The following NECAB2 variants were observed in gnomAD, a reference collection of about 807,000 sequenced individuals.
The protein encoded by NECAB2 is N-terminal EF-hand calcium binding protein 2, also known as N-terminal EF-hand calcium-binding protein 2.
NECAB2 carries 68 observed loss-of-function variants against 51.9 expected under a neutral mutation model. The observed-to-expected ratio is 1.31, with a 90% CI of 1.08 to 1.60. NECAB2 has a LOEUF of 1.60. Among genes scored for constraint, NECAB2 ranks in the 40% most tolerant of loss-of-function variants. The pLI is 0.00. For missense variants in NECAB2, 854 were observed against 490.3 expected (o/e 1.74, Z -7.00); for synonymous variants, 329 against 203.5 (o/e 1.62, Z -5.25).
At chr16:83,967,941 G>A (rs964666193), upstream of NECAB2, among the ~76,000 whole-genome samples, 6 of 151,704 alleles carry the variant, frequency 4.0e-5, no homozygotes, top group Non-Finnish European at 8.8e-5. Context: ...AGGATGGGTG[G>A]ATGGATGTAT....
intron 5 of NECAB2, among the ~76,000 whole-genome samples, chr16:83,986,995 T>G (rs2084565247): frequency 6.6e-6 from 1 of 152,154 alleles, no homozygotes; most frequent in Non-Finnish European, 1.5e-5. Flanking sequence ...CATACCCATG[T>G]AACAAACAGG....
intron 5 of NECAB2, among the ~76,000 whole-genome samples, chr16:83,984,550 C>A (rs2084528289): frequency 6.6e-6 from 1 of 151,784 alleles, no homozygotes; most frequent in East Asian, 2.0e-4. Flanking sequence ...TAGTGGGACC[C>A]CGTTTCTACC....
In NECAB2 at chr16:83,968,298, G is replaced by T. The variant is rs2084310883; in HGVS notation, c.-351G>T. Among the ~76,000 whole-genome samples the T allele has an allele frequency of 6.6e-6, 1 of 151,292 alleles. No individual in the cohort carries two copies. The highest frequency in any genetic ancestry group is 2.4e-5 in the African/African-American group (1 of 41,298). ...GACTTTAGAAGCGGGGAGAGCAGGA[G>T]ACTTTTGGGGAGCAGGCCCCAGGGG... On this transcript the variant is annotated 5_prime_UTR_variant, in exon 1 of 13. Transcript: ENST00000305202.
At chr16:84,001,226 G>T (rs1267877879) in intron 11 of NECAB2, among the ~76,000 whole-genome samples, 1 of 151,788 alleles carries the variant, frequency 6.6e-6, no homozygotes, top group African/African-American at 2.4e-5. Context: ...ATGGGGTAGG[G>T]TGTCAGCAGC....
intron 11 of NECAB2, among the ~76,000 whole-genome samples, 183 bp downstream of exon 11, chr16:84,000,984 G>GA (rs1191610864): frequency 6.0e-5 from 9 of 150,580 alleles, no homozygotes; most frequent in African/African-American, 2.2e-4. Context: ...CTCTTGGTGG[G>GA]TAGTGAGAGC....
At chr16:83,971,366 G>T (rs1597192306) in intron 1 of NECAB2, 1 of 152,322 alleles carries the variant, frequency 6.6e-6, no homozygotes, top group East Asian at 1.9e-4. Context: ...GGTTTTGAAA[G>T]CTCTCCAGGC....
chr16:84,000,203 C>G (rs1460606201), intron 10 of NECAB2, among the ~76,000 whole-genome samples: 1 of 152,168 alleles, frequency 6.6e-6, no homozygotes, highest in South Asian at 2.1e-4. Context: ...CATCCAGCCA[C>G]CTGGTTTTGT....
At chr16:83,991,961 T>C (rs928716680) in intron 6 of NECAB2, among the ~76,000 whole-genome samples, 1 of 152,084 alleles carries the variant, frequency 6.6e-6, no homozygotes, top group Admixed American at 6.6e-5. Context: ...CAGCCCACTT[T>C]TGAAAATTAG....
At position 83,968,775 on chromosome 16, in the gene NECAB2, G is replaced by C. The variant is rs1269925390; in HGVS notation, c.127G>C (p.Glu43Gln). The C allele has an allele frequency of 2.7e-6, 3 of 1,105,172 alleles. No individual in the cohort carries two copies. The highest frequency in any genetic ancestry group is 3.3e-6 in the Non-Finnish European group (3 of 908,568). 68.5% of individuals were successfully genotyped at this position (1,105,172 alleles called of 1,614,324 possible). ...GGGCGCCAGGATGGGCGAGCCCCGG[G>C]AGTCGCTGGCCCCCGCCGCCCCCGC... ...WVGARMGEPRESLAPAAPADP... is the reference protein window; with the variant it reads ...WVGARMGEPRQSLAPAAPADP... Residue 43 changes from glutamate (E) to glutamine (Q), a missense_variant, in exon 1 of 13, where the codon GAG becomes CAG. Coordinates refer to ENST00000305202, the MANE Select transcript of NECAB2 (RefSeq NM_019065.3).
chr16:83,985,313 C>CAAAA lies in NECAB2; in HGVS notation c.459+4216_459+4219dup, dbSNP rs71148868. 1.2e-3 allele frequency among the ~76,000 whole-genome samples: 36 copies of CAAAA among 30,192 alleles called. 1 individual carries two copies. The East Asian group carries it at 0.013, about 11-fold the overall frequency. 19.8% of individuals were successfully genotyped at this position (30,192 alleles called of 152,430 possible). ...GGACAACAAGAGCAAATCTCTGTCT[C>CAAAA]AAAAAAAAAAAAAAAAAAAAAAAAA... is the stretch of plus-strand genomic sequence containing the variant. On this transcript the variant is annotated intron_variant, in intron 5 of 12. Coordinates refer to ENST00000305202, the MANE Select transcript of NECAB2 (RefSeq NM_019065.3).
intron 8 of NECAB2, among the ~76,000 whole-genome samples, chr16:83,996,273 A>T (rs184886416): frequency 4.3e-4 from 66 of 152,330 alleles, no homozygotes; most frequent in African/African-American, 1.3e-3. Flanking sequence ...TGTTCCTGCC[A>T]GGCACACCTT....
intron 5 of NECAB2, among the ~76,000 whole-genome samples, chr16:83,986,103 G>A (rs1388439346): frequency 1.3e-5 from 2 of 152,074 alleles, no homozygotes; most frequent in African/African-American, 4.8e-5. Context: ...TGCAACCTCT[G>A]CTTCCTGGGT....
upstream of NECAB2, chr16:83,965,332 C>A (rs745988129): frequency 6.3e-7 from 1 of 1,574,842 alleles, no homozygotes; most frequent in African/African-American, 1.3e-5. Context: ...ACAGCCCGGC[C>A]CGGCTGGGCA....
intron 10 of NECAB2, among the ~76,000 whole-genome samples, chr16:83,999,882 ATTTTTAAAGGTTT>A (rs2084787352): frequency 6.9e-6 from 1 of 145,370 alleles, no homozygotes; most frequent in Admixed American, 6.7e-5. Context: ...AGGTTTTTTG[ATTTTTAAAGGTTT>A]TTTGAGACCA....
chr16:83,986,308 C>T (rs961421367), intron 5 of NECAB2, among the ~76,000 whole-genome samples: 82 of 152,240 alleles, frequency 5.4e-4, no homozygotes, highest in African/African-American at 1.7e-3. Flanking sequence ...TGAGCCACTG[C>T]GCCCAGCCCA....
chr16:83,965,975 C>G, upstream of NECAB2: 1 of 1,599,618 alleles, frequency 6.3e-7, no homozygotes, highest in Non-Finnish European at 8.5e-7. Flanking sequence ...GGCCAGCTCC[C>G]TGCTAAGGAA....
At chr16:83,998,766 G>A (rs1012271926) in intron 10 of NECAB2, among the ~76,000 whole-genome samples, 2 of 151,612 alleles carry the variant, frequency 1.3e-5, no homozygotes, top group African/African-American at 4.9e-5. Context: ...AGAGTCGGTA[G>A]CTGAAGGGAA....
At chr16:83,967,568 G>C (rs1406900521), upstream of NECAB2, among the ~76,000 whole-genome samples, 1 of 145,474 alleles carries the variant, frequency 6.9e-6, no homozygotes, top group Non-Finnish European at 1.5e-5. Context: ...TGGAAGGATG[G>C]TGGGTGGATG....
intron 6 of NECAB2, 47 bp from the exon 7 acceptor site, chr16:83,994,255 C>T (rs757118839): frequency 6.3e-7 from 1 of 1,577,080 alleles, no homozygotes; most frequent in Non-Finnish European, 8.7e-7. Flanking sequence ...TGGTAAGGGC[C>T]CTGAAGCCAC....
Sources: allele counts gnomAD v4.1 joint callset (sites outside exome capture counted in the v4.1 genomes callset), GRCh38; gene constraint gnomAD v4.1.1; transcripts MANE v1.5; gene names NCBI Gene and HGNC (gene_info 2026-07-23, HGNC 2026-07-21).